The following TLL2 variants were observed in gnomAD, a reference collection of about 807,000 sequenced individuals.
TLL2 encodes the protein tolloid like 2.
Under a neutral mutation model 123.0 loss-of-function variants are expected in TLL2, and 106 were observed. The ratio of observed to expected loss-of-function variants is 0.86; its 90% CI spans 0.74 to 1.01. The LOEUF is 1.01. TLL2 is among the 50% of genes least tolerant of loss of function. TLL2 has a pLI of 0.00. For missense variants in TLL2, 1,332 were observed against 1,336.7 expected, an observed-to-expected ratio of 1.00 and a Z score of 0.06; for synonymous variants, 494 against 516.8, an observed-to-expected ratio of 0.96 and a Z score of 0.60.
intron 2 of TLL2, among the ~76,000 whole-genome samples, chr10:96,461,964 C>T (rs1847085354): frequency 6.6e-6 from 1 of 152,242 alleles, no homozygotes; most frequent in Non-Finnish European, 1.5e-5. Flanking sequence ...ACTGGAGCAA[C>T]ATCCTCTGCA....
intron 3 of TLL2, among the ~76,000 whole-genome samples, chr10:96,436,640 A>G (rs553732230): frequency 6.6e-6 from 1 of 152,206 alleles, no homozygotes; most frequent in East Asian, 1.9e-4. Context: ...TATAATAATA[A>G]CATGCATTCA....
chr10:96,500,103 T>TA (rs58735775), intron 1 of TLL2, among the ~76,000 whole-genome samples: 33,043 of 74,926 alleles, frequency 0.44, 5,535 homozygotes, highest in Middle Eastern at 0.62. Context: ...CAACATGATT[T>TA]AAAAAAAAAA....
chr10:96,489,588 C>T (rs999537257), intron 1 of TLL2, among the ~76,000 whole-genome samples: 25 of 152,196 alleles, frequency 1.6e-4, no homozygotes, highest in African/African-American at 5.3e-4. Context: ...ACATGGTACC[C>T]GCTAACCACA....
chr10:96,482,215 G>A (rs1423664462), intron 1 of TLL2, among the ~76,000 whole-genome samples: 4 of 149,966 alleles, frequency 2.7e-5, no homozygotes, highest in African/African-American at 4.9e-5. Flanking sequence ...CCGAGATCGC[G>A]CCACTGCACT....
At chr10:96,450,158 C>CATGGATGGATGGATGGATGGATGG (rs3033656) in intron 2 of TLL2, among the ~76,000 whole-genome samples, 1 of 150,664 alleles carries the variant, frequency 6.6e-6, no homozygotes, top group Non-Finnish European at 1.5e-5. Context: ...TGAATGAATG[C>CATGGATGGATGGATGGATGGATGG]ATGGATGGAT....
chr10:96,435,497 C>T (rs1589421894), intron 3 of TLL2, among the ~76,000 whole-genome samples: 1 of 152,270 alleles, frequency 6.6e-6, no homozygotes, highest in Non-Finnish European at 1.5e-5. Context: ...TCTTTTGTTG[C>T]TTGTGCTTTT....
At chr10:96,449,552 C>T (rs1050161836) in intron 2 of TLL2, among the ~76,000 whole-genome samples, 4 of 152,180 alleles carry the variant, frequency 2.6e-5, no homozygotes, top group African/African-American at 4.8e-5. Context: ...CACTGTCTAC[C>T]GGGGACCTAC....
At position 96,374,961 on chromosome 10, in the gene TLL2, C is replaced by CG. The variant is rs558884195; in HGVS notation, c.2449-1153dup. ...GAGCAGGGAGACAGGACATTAGTTG[C>CG]GGGGGGGGGGGGGGGGTGTCAATTC... On this transcript the variant is annotated intron_variant, in intron 18 of 20. Coordinates refer to ENST00000357947, the MANE Select transcript of TLL2 (RefSeq NM_012465.4). 1.4e-3 allele frequency among the ~76,000 whole-genome samples: 89 copies of CG among 64,250 alleles called. 1 individual carries two copies. Among genetic ancestry groups the CG allele is most frequent in the Non-Finnish European group, 1.7e-3 (56 of 32,272 alleles). The allele number at this position is 64,250 out of a possible 152,430, so 42.2% of individuals were successfully genotyped here. A position where few individuals can be genotyped will look rare whatever the true frequency, so the allele number is the denominator to read the frequency against.
At chr10:96,465,460 C>T (rs1372610722) in intron 2 of TLL2, among the ~76,000 whole-genome samples, 2 of 152,148 alleles carry the variant, frequency 1.3e-5, no homozygotes, top group African/African-American at 4.8e-5. Flanking sequence ...CCCATCCTAC[C>T]CCAGTCCCAT....
At chr10:96,458,638 G>C (rs1847042668) in intron 2 of TLL2, among the ~76,000 whole-genome samples, 1 of 142,308 alleles carries the variant, frequency 7.0e-6, no homozygotes, top group Admixed American at 7.4e-5. Context: ...AGTCGTGGTG[G>C]CTCACACCTG....
At chr10:96,386,858 C>T in intron 14 of TLL2, 95 bp downstream of exon 14, 1 of 1,566,456 alleles carries the variant, frequency 6.4e-7, no homozygotes, top group Non-Finnish European at 8.7e-7. Flanking sequence ...CCCATCGTTC[C>T]TACACAGCCA....
At chr10:96,480,623 GAGGAA>G in intron 1 of TLL2, among the ~76,000 whole-genome samples, 164 bp from the exon 2 acceptor site, 1 of 152,180 alleles carries the variant, frequency 6.6e-6, no homozygotes, top group South Asian at 2.1e-4. Flanking sequence ...GGTGGAGGCA[GAGGAA>G]CAGCAGGTAT....
chr10:96,449,992 C>T (rs1487121158), intron 2 of TLL2, among the ~76,000 whole-genome samples: 1 of 152,172 alleles, frequency 6.6e-6, no homozygotes, highest in African/African-American at 2.4e-5. Context: ...GATCCATTTA[C>T]TCAGCTGAAT....
chr10:96,382,037 A>T (rs1040061864), intron 16 of TLL2, among the ~76,000 whole-genome samples: 1 of 152,070 alleles, frequency 6.6e-6, no homozygotes, highest in African/African-American at 2.4e-5. Flanking sequence ...TCAGTGCAAG[A>T]TTTGCACTTT....
chr10:96,509,407 C>A (rs1847606277), intron 1 of TLL2, among the ~76,000 whole-genome samples: 1 of 152,244 alleles, frequency 6.6e-6, no homozygotes, highest in Non-Finnish European at 1.5e-5. Flanking sequence ...TGGATAAATG[C>A]TGCAGCCTCC....
intron 7 of TLL2, among the ~76,000 whole-genome samples, chr10:96,416,799 G>A (rs752301317): frequency 1.3e-5 from 2 of 152,162 alleles, no homozygotes; most frequent in Non-Finnish European, 2.9e-5. Context: ...CAGCGGTGAC[G>A]TTCCTTCCCT....
At chr10:96,502,801 G>T (rs1354711142) in intron 1 of TLL2, among the ~76,000 whole-genome samples, 1 of 152,236 alleles carries the variant, frequency 6.6e-6, no homozygotes. Context: ...CTGGGTGGGA[G>T]GCAGGGAAAG....
At chr10:96,465,670 A>G (rs1847122759) in intron 2 of TLL2, among the ~76,000 whole-genome samples, 1 of 152,224 alleles carries the variant, frequency 6.6e-6, no homozygotes, top group Non-Finnish European at 1.5e-5. Flanking sequence ...TTAGGACCCA[A>G]GGTGGTGCCT....
At chr10:96,413,871 A>C (rs1846530562) in intron 7 of TLL2, among the ~76,000 whole-genome samples, 1 of 152,156 alleles carries the variant, frequency 6.6e-6, no homozygotes, top group African/African-American at 2.4e-5. Flanking sequence ...GAAGTAGTGA[A>C]AAAAGCCCTG....
Sources: gnomAD v4.1 joint callset for allele counts (sites outside exome capture counted in the v4.1 genomes callset) on GRCh38, gnomAD v4.1.1 for gene constraint, MANE v1.5 for transcripts, NCBI Gene and HGNC (gene_info 2026-07-23, HGNC 2026-07-21) for gene names.